The following SNTG1 variants were observed in gnomAD, a reference collection of about 807,000 sequenced individuals.
SNTG1 encodes gamma-1-syntrophin.
Under a neutral mutation model 74.7 loss-of-function variants are expected in SNTG1, and 39 were observed. The ratio of observed to expected loss-of-function variants is 0.52; its 90% CI spans 0.40 to 0.68. The LOEUF is 0.68. Among genes scored for constraint, SNTG1 ranks in the 30% least tolerant of loss-of-function variants. SNTG1 has a pLI of 0.00. For synonymous variants in SNTG1, 254 were observed against 217.1 expected (o/e 1.17, Z -1.49); for missense variants, 685 against 609.5 (o/e 1.12, Z -1.30).
chr8:50,587,897 G>T (rs938969978), intron 12 of SNTG1, among the ~76,000 whole-genome samples: 5 of 152,020 alleles, frequency 3.3e-5, no homozygotes, highest in Non-Finnish European at 7.4e-5. Context: ...GGATCACGAG[G>T]TAGGGAGATC....
chr8:50,698,730 T>C (rs988744692), intron 15 of SNTG1, among the ~76,000 whole-genome samples: 5 of 152,140 alleles, frequency 3.3e-5, no homozygotes, highest in African/African-American at 1.2e-4. Flanking sequence ...TCTCGGGAAG[T>C]GCATGGGACA....
At chr8:50,164,659 A>T (rs2082550885) in intron 1 of SNTG1, among the ~76,000 whole-genome samples, 1 of 152,194 alleles carries the variant, frequency 6.6e-6, no homozygotes, top group African/African-American at 2.4e-5. Flanking sequence ...CTACATTCAC[A>T]GACCCTAGAA....
At chr8:50,454,355 G>A (rs914305697) in intron 8 of SNTG1, among the ~76,000 whole-genome samples, 1 of 151,790 alleles carries the variant, frequency 6.6e-6, no homozygotes, top group African/African-American at 2.4e-5. Flanking sequence ...ACATTAGCTG[G>A]GTGTGGTGGC....
intron 1 of SNTG1, among the ~76,000 whole-genome samples, chr8:50,069,576 G>A (rs1318045765): frequency 7.3e-6 from 1 of 136,850 alleles, no homozygotes; most frequent in Non-Finnish European, 1.5e-5. Flanking sequence ...CAGTGAGATT[G>A]GGAGGAATTT....
At chr8:50,268,631 G>A (rs777536630) in intron 2 of SNTG1, among the ~76,000 whole-genome samples, 7 of 151,162 alleles carry the variant, frequency 4.6e-5, no homozygotes, top group Middle Eastern at 3.4e-3. Flanking sequence ...CTAAGAATAC[G>A]TATACATACT....
At chr8:50,055,495 A>G (rs1819949425) in intron 1 of SNTG1, among the ~76,000 whole-genome samples, 1 of 152,126 alleles carries the variant, frequency 6.6e-6, no homozygotes, top group South Asian at 2.1e-4. Flanking sequence ...ATGAGGCTCC[A>G]TGGTGCTGGA....
intron 2 of SNTG1, among the ~76,000 whole-genome samples, chr8:50,307,202 A>T (rs963740229): frequency 1.3e-5 from 2 of 152,106 alleles, no homozygotes; most frequent in African/African-American, 4.8e-5. Flanking sequence ...TCTCTTGATT[A>T]ACCTATATAT....
At chr8:50,127,084 A>T (rs1049217033) in intron 1 of SNTG1, among the ~76,000 whole-genome samples, 1 of 152,130 alleles carries the variant, frequency 6.6e-6, no homozygotes, top group Admixed American at 6.6e-5. Context: ...GAAAAATGTT[A>T]GGTATAATAT....
chr8:49,996,476 T>C (rs1320870943), intron 1 of SNTG1, among the ~76,000 whole-genome samples: 1 of 152,006 alleles, frequency 6.6e-6, no homozygotes, highest in Non-Finnish European at 1.5e-5. Context: ...TCTAATTTTA[T>C]CCAAAAGCCT....
intron 2 of SNTG1, among the ~76,000 whole-genome samples, chr8:50,205,605 C>G (rs2084191051): frequency 6.6e-6 from 1 of 152,160 alleles, no homozygotes; most frequent in South Asian, 2.1e-4. Context: ...GCTTTTGTTG[C>G]AATTGCTTTT....
chr8:49,964,328 G>T (rs1442798769), intron 1 of SNTG1, among the ~76,000 whole-genome samples: 1 of 152,144 alleles, frequency 6.6e-6, no homozygotes, highest in East Asian at 1.9e-4. Context: ...TCTCTGCCCT[G>T]GGTCTGCAAC....
intron 8 of SNTG1, among the ~76,000 whole-genome samples, chr8:50,489,521 G>A (rs2093830941): frequency 6.6e-6 from 1 of 152,212 alleles, no homozygotes; most frequent in African/African-American, 2.4e-5. Context: ...TTTCTCTAAT[G>A]ACCAGTGATG....
At chr8:50,745,985 T>A (rs548880885) in intron 17 of SNTG1, among the ~76,000 whole-genome samples, 1 of 151,996 alleles carries the variant, frequency 6.6e-6, no homozygotes, top group Non-Finnish European at 1.5e-5. Context: ...GTATTTAACA[T>A]TCTTCAATCA....
At chr8:50,299,114 C>T (rs1012994986) in intron 2 of SNTG1, among the ~76,000 whole-genome samples, 4 of 152,120 alleles carry the variant, frequency 2.6e-5, no homozygotes, top group Non-Finnish European at 5.9e-5. Context: ...TTTAAGTTGT[C>T]TCTTCTAGGA....
At chr8:49,969,610 T>C (rs1811473281) in intron 1 of SNTG1, among the ~76,000 whole-genome samples, 1 of 151,980 alleles carries the variant, frequency 6.6e-6, no homozygotes, top group Non-Finnish European at 1.5e-5. Flanking sequence ...TTGGTCAGGC[T>C]GGTGTCAACC....
intron 2 of SNTG1, among the ~76,000 whole-genome samples, chr8:50,179,320 G>C (rs2083115445): frequency 6.6e-6 from 1 of 152,076 alleles, no homozygotes; most frequent in Admixed American, 6.5e-5. Context: ...ACTTTAGAAT[G>C]TTTTTCTGTT....
At chr8:50,506,360 G>GT (rs1022408660) in intron 9 of SNTG1, among the ~76,000 whole-genome samples, 2 of 151,984 alleles carry the variant, frequency 1.3e-5, no homozygotes, top group Non-Finnish European at 2.9e-5. Context: ...GTTTAGGATA[G>GT]TTTTTCTATT....
At chr8:50,130,313 G>A (rs189456598) in intron 1 of SNTG1, among the ~76,000 whole-genome samples, 112 of 152,212 alleles carry the variant, frequency 7.4e-4, no homozygotes, top group Non-Finnish European at 1.2e-3. Flanking sequence ...AGAATAGTGA[G>A]AGTGAGAGAC....
rs370573618 is a variant in SNTG1, at chr8:50,019,698, C to A, written c.-103+107467C>A. 4.6e-5 allele frequency among the ~76,000 whole-genome samples: 7 copies of A among 152,034 alleles called. No homozygotes were observed. The East Asian group carries it at 1.4e-3, about 29-fold the overall frequency. ...TGAAAACATAAACAAAATCAAATAA[C>A]CCCCCAAAGACACAAGGAAATGTTA... On this transcript the variant is annotated intron_variant, in intron 1 of 18. Coordinates refer to ENST00000642720, the MANE Select transcript of SNTG1 (RefSeq NM_018967.5).
Sources: gnomAD v4.1 joint callset for allele counts (sites outside exome capture counted in the v4.1 genomes callset) on GRCh38, gnomAD v4.1.1 for gene constraint, MANE v1.5 for transcripts, NCBI Gene and HGNC (gene_info 2026-07-23, HGNC 2026-07-21) for gene names.